Variants in LPCAT1 observed in about 807,000 individuals in gnomAD.
LPCAT1 encodes the protein lysophosphatidylcholine acyltransferase 1.
In LPCAT1, 23 loss-of-function variants were observed where a neutral mutation model predicts 60.9. The ratio of observed to expected loss-of-function variants is 0.38; its 90% CI spans 0.27 to 0.53. The LOEUF (loss-of-function observed/expected upper bound fraction) is 0.53, where lower values mean the gene tolerates loss of function less well. Among genes scored for constraint, LPCAT1 ranks in the 20% least tolerant of loss-of-function variants. The pLI is 0.82. For synonymous variants in LPCAT1, 340 were observed against 301.1 expected, an observed-to-expected ratio of 1.13 and a Z score of -1.34; for missense variants, 622 against 723.6, an observed-to-expected ratio of 0.86 and a Z score of 1.61.
At position 1,502,144 on chromosome 5, in the gene LPCAT1, C is replaced by T. The variant is rs374493142; in HGVS notation, c.136-541G>A. On this transcript the variant is annotated intron_variant, in intron 1 of 13. Coordinates refer to ENST00000283415, the MANE Select transcript of LPCAT1 (RefSeq NM_024830.5). The surrounding 1 kb of genome is among the most constrained non-coding windows in gnomAD (Gnocchi z 5.5). Reference sequence around the variant, plus strand: ...CTGCCTCCTTACTGGAGCTGCCATGCGAGTGGCTTGGGAAAGACACAGTGG... The same window carrying T: ...CTGCCTCCTTACTGGAGCTGCCATGTGAGTGGCTTGGGAAAGACACAGTGG... Among the ~76,000 whole-genome samples the T allele has an allele frequency of 1.3e-5, 2 of 152,192 alleles. No individual in the cohort carries two copies. Among genetic ancestry groups the T allele is most frequent in the Admixed American group, 6.5e-5 (1 of 15,294 alleles).
chr5:1,501,354 C>T, intron 2 of LPCAT1, 107 bp downstream of exon 2: 2 of 1,426,232 alleles, frequency 1.4e-6, no homozygotes, highest in South Asian at 1.4e-5. Flanking sequence ...AAGGGAAGGA[C>T]AGATGGGCTA....
rs1391148502 is a variant in LPCAT1 at position 1,476,285 on chromosome 5, T to C, written c.899+1119A>G. On this transcript the variant is annotated intron_variant, in intron 9 of 13. Transcript: ENST00000283415. This position sits in a 1 kb window ranked among gnomAD's most constrained non-coding sequence, Gnocchi z 8.6. ...CCTGGCTCGGCGCCTACTCAGCTTTTTGTATTGTTCAGAGCTGCCTGTGGT... is the reference window on the plus strand; with the variant it reads ...CCTGGCTCGGCGCCTACTCAGCTTTCTGTATTGTTCAGAGCTGCCTGTGGT... 6.6e-6 allele frequency among the ~76,000 whole-genome samples: 1 copy of C among 152,084 alleles called. No individual in the cohort carries two copies. Among genetic ancestry groups the C allele is most frequent in the East Asian group, 1.9e-4 (1 of 5,186 alleles).
intron 7 of LPCAT1, 74 bp from the exon 8 acceptor site, chr5:1,479,749 G>GTTTCACCCCAGAAT: frequency 4.2e-6 from 5 of 1,193,988 alleles, no homozygotes; most frequent in Non-Finnish European, 6.1e-6. Flanking sequence ...CAATTCTGGG[G>GTTTCACCCCAGAAT]TGAAACCTCC....
At chr5:1,490,782 C>T (rs760500724) in intron 3 of LPCAT1, among the ~76,000 whole-genome samples, 4 of 152,224 alleles carry the variant, frequency 2.6e-5, no homozygotes, top group African/African-American at 4.8e-5. Context: ...TGGAAACATA[C>T]TTCTTAGAAG....
At chr5:1,466,938 C>G (rs1395312894) in intron 12 of LPCAT1, 48 bp from the exon 13 acceptor site, 1 of 1,476,960 alleles carries the variant, frequency 6.8e-7, no homozygotes, top group Non-Finnish European at 9.0e-7. Context: ...CCCTGCCCAC[C>G]AGGCCCCGCT....
In LPCAT1 at chr5:1,501,423, C is replaced by T. The variant is rs147995856; in HGVS notation, c.278+38G>A. ...GTTCCCACTGTTTGGCCGCGTGACCCCCCCCCAGGAGGAGAGCACGGCACA... is the reference window on the plus strand; with the variant it reads ...GTTCCCACTGTTTGGCCGCGTGACCTCCCCCCAGGAGGAGAGCACGGCACA... On this transcript the variant is annotated intron_variant, in intron 2 of 13. Coordinates refer to ENST00000283415, the MANE Select transcript of LPCAT1 (RefSeq NM_024830.5). 1.6e-4 allele frequency: 246 copies of T among 1,576,482 alleles called. 1 individual carries two copies. The African/African-American group carries it at 2.7e-3, about 17-fold the overall frequency.
intron 1 of LPCAT1, among the ~76,000 whole-genome samples, chr5:1,508,432 A>AAC (rs1470630131): frequency 1.3e-5 from 2 of 152,170 alleles, no homozygotes; most frequent in African/African-American, 4.8e-5. Context: ...GCCCTGAGCC[A>AAC]ACCTGCCTGG....
intron 12 of LPCAT1, among the ~76,000 whole-genome samples, chr5:1,468,129 G>C (rs4975647): frequency 0.22 from 34,125 of 151,958 alleles, 4,197 homozygotes; most frequent in East Asian, 0.44. Context: ...AGCTGTCCCC[G>C]CGTTCACACC....
chr5:1,519,531 G>T (rs536119279), intron 1 of LPCAT1, among the ~76,000 whole-genome samples: 2 of 152,382 alleles, frequency 1.3e-5, no homozygotes, highest in South Asian at 2.1e-4. Flanking sequence ...CGCTCTCGAT[G>T]ACTTTGAGAA....
intron 12 of LPCAT1, among the ~76,000 whole-genome samples, chr5:1,469,351 G>A (rs1396456931): frequency 6.6e-6 from 1 of 152,218 alleles, no homozygotes; most frequent in Non-Finnish European, 1.5e-5. Context: ...CCCACCTGCA[G>A]GTGGGGCCTG....
intron 4 of LPCAT1, 47 bp from the exon 5 acceptor site, chr5:1,488,498 T>A: frequency 7.7e-7 from 1 of 1,293,010 alleles, no homozygotes; most frequent in Non-Finnish European, 1.1e-6. Context: ...TGTACATAAT[T>A]ATAATTCAGA....
Position 1,523,760 on chromosome 5 carries a change from G to GC in LPCAT1, c.84dup (p.Arg29AlafsTer213). On this transcript the variant is annotated frameshift_variant, in exon 1 of 14. Coordinates refer to ENST00000283415, the MANE Select transcript of LPCAT1 (RefSeq NM_024830.5). LOFTEE classifies it high-confidence loss of function. The surrounding 1 kb of genome is among the most constrained non-coding windows in gnomAD (Gnocchi z 7.1). ...CGCAGCTCGTGCACGAAGGGGTTCCGCCCCGGGGGCGCCAGCAGCCGAGCG... is the reference window on the plus strand; with the variant it reads ...CGCAGCTCGTGCACGAAGGGGTTCCGCCCCCGGGGGCGCCAGCAGCCGAGCG... The GC allele has an allele frequency of 8.6e-7, 1 of 1,159,680 alleles. No individual in the cohort carries two copies. The highest frequency in any genetic ancestry group is 1.1e-6 in the Non-Finnish European group (1 of 936,672). 71.8% of individuals were successfully genotyped at this position (1,159,680 alleles called of 1,614,324 possible).
chr5:1,473,841 TC>T, intron 11 of LPCAT1, 115 bp downstream of exon 11: 1 of 1,338,816 alleles, frequency 7.5e-7, no homozygotes, highest in Non-Finnish European at 1.0e-6. Context: ...TGGGTGGTTT[TC>T]CTTCTCTGCT....
chr5:1,464,929 AAAC>A (rs373061497), intron 13 of LPCAT1, among the ~76,000 whole-genome samples: 3,761 of 150,096 alleles, frequency 0.025, 164 homozygotes, highest in African/African-American at 0.088. Context: ...TGCACACACA[AAAC>A]AAGCACATGC....
chr5:1,486,766 G>A lies in LPCAT1; in HGVS notation c.667+1625C>T, dbSNP rs112920605. Among the ~76,000 whole-genome samples the A allele has an allele frequency of 5.2e-3, 793 of 152,274 alleles. 4 individuals are homozygous for A. Among genetic ancestry groups the A allele is most frequent in the African/African-American group, 0.018 (728 of 41,552 alleles). On this transcript the variant is annotated intron_variant, in intron 5 of 13. Transcript: ENST00000283415. The stretch of plus-strand genomic sequence containing the variant: ...GACGCATGAGGGCCTGAGAGATTCC[G>A]AACACGTGACTCGAGGCAGCCGGAA...
Position 1,481,053 on chromosome 5 carries a change from C to G in LPCAT1, c.727-77G>C. ...GCACCAAGCACCTGCGTGTGCCGGC[C>G]TCTCCCTGCACCTCCCACCCCACAG... On this transcript the variant is annotated intron_variant, in intron 6 of 13. Transcript: ENST00000283415. The surrounding 1 kb of genome is among the most constrained non-coding windows in gnomAD (Gnocchi z 7.8). 1 of 1,546,262 alleles carries G rather than the reference C, an allele frequency of 6.5e-7. No individual in the cohort carries two copies. The highest frequency in any genetic ancestry group is 8.9e-7 in the Non-Finnish European group (1 of 1,122,756).
In LPCAT1 at chr5:1,463,682, C is replaced by T. The variant is rs756067328; in HGVS notation, c.1574G>A (p.Gly525Glu). The change falls in exon 14 of 14, where the codon GGG (glycine) becomes GAG (glutamate). Residue 525 changes from glycine to glutamate, a missense_variant. This residue lies in a region of LPCAT1 where 288 missense variants were observed against 283.6 expected (regional missense o/e 1.02). Transcript: ENST00000283415. ...ADFSPENSDAGRKPVRKKLD is the reference protein window; with the variant it reads ...ADFSPENSDAERKPVRKKLD ...CAGCTTCTTGCGAACAGGCTTCCGC[C>T]CAGCGTCTGAGTTTTCCGGGCTGAA... 13 of 1,614,138 alleles carry T rather than the reference C, an allele frequency of 8.1e-6. No individual in the cohort carries two copies. The South Asian group carries it at 1.4e-4, about 18-fold the overall frequency.
At position 1,474,116 on chromosome 5, in the gene LPCAT1, CAA is replaced by C. The variant is rs771846188; in HGVS notation, c.1026-8_1026-7del. The C allele has an allele frequency of 1.2e-6, 2 of 1,601,808 alleles. No homozygotes were observed. Among genetic ancestry groups the C allele is most frequent in the Non-Finnish European group, 8.5e-7 (1 of 1,174,832 alleles). Reference sequence around the variant, plus strand: ...CAAGCTTTTCTGGTTTTAGCCTAGACAAAAAAAGAGGGAAAGCTTTCTTTTTC... The same window carrying C: ...CAAGCTTTTCTGGTTTTAGCCTAGACAAAAAGAGGGAAAGCTTTCTTTTTC... On this transcript the variant is annotated splice_polypyrimidine_tract_variant and splice_region_variant and intron_variant, in intron 10 of 13. Transcript: ENST00000283415.
At position 1,483,328 on chromosome 5, in the gene LPCAT1, G is replaced by A; in HGVS notation, c.726+100C>T. 3.2e-6 allele frequency: 4 copies of A among 1,242,368 alleles called. No homozygotes were observed. The highest frequency in any genetic ancestry group is 4.7e-6 in the Non-Finnish European group (4 of 843,938). 77.0% of individuals were successfully genotyped at this position (1,242,368 alleles called of 1,614,324 possible). On this transcript the variant is annotated intron_variant, in intron 6 of 13. Transcript: ENST00000283415. This position sits in a 1 kb window ranked among gnomAD's most constrained non-coding sequence, Gnocchi z 9.2. The stretch of plus-strand genomic sequence containing the variant: ...AAGTGTGGGCTGTGGCGCAGATAAA[G>A]GGTGTGGAGAGACAGAGACACAGGT...
Sources: gnomAD v4.1 joint callset for allele counts (sites outside exome capture counted in the v4.1 genomes callset) on GRCh38, gnomAD v4.1.1 for gene constraint, gnomAD v4.1.1 regional missense constraint, Gnocchi (gnomAD v3.1) non-coding constraint, MANE v1.5 for transcripts, NCBI Gene and HGNC (gene_info 2026-07-23, HGNC 2026-07-21) for gene names.